The following INPP4B variants were observed in gnomAD, a reference collection of about 807,000 sequenced individuals.
INPP4B encodes the protein inositol polyphosphate 4-phosphatase type II.
Under a neutral mutation model 122.5 loss-of-function variants are expected in INPP4B, and 55 were observed. The ratio of observed to expected loss-of-function variants is 0.45; its 90% CI spans 0.36 to 0.56. The LOEUF (loss-of-function observed/expected upper bound fraction) is 0.56. Ranked by LOEUF, INPP4B falls within the 20% of genes least tolerant of loss-of-function variation. The probability of loss-of-function intolerance (pLI) is 0.00; values close to 1 mark genes in which losing one functional copy is unlikely to be tolerated. For synonymous variants in INPP4B, 403 were observed against 388.7 expected, an observed-to-expected ratio of 1.04 and a Z score of -0.43; for missense variants, 1,000 against 1,097.7, an observed-to-expected ratio of 0.91 and a Z score of 1.26.
At chr4:142,329,066 A>G (rs1773502615) in intron 7 of INPP4B, among the ~76,000 whole-genome samples, 1 of 152,236 alleles carries the variant, frequency 6.6e-6, no homozygotes. Flanking sequence ...TTTAAGTACA[A>G]GAGATATGGT....
intron 7 of INPP4B, among the ~76,000 whole-genome samples, chr4:142,373,237 GA>G (rs1370528167): frequency 6.6e-6 from 1 of 151,966 alleles, no homozygotes; most frequent in Non-Finnish European, 1.5e-5. Context: ...TCATAAAGCA[GA>G]AAGTGTTTGA....
At chr4:142,133,472 T>A (rs1280325794) in intron 18 of INPP4B, among the ~76,000 whole-genome samples, 1 of 152,318 alleles carries the variant, frequency 6.6e-6, no homozygotes, top group East Asian at 1.9e-4. Context: ...TGTATTCATG[T>A]TCTAACTGCC....
chr4:142,488,349 G>A (rs1821445199), intron 2 of INPP4B, among the ~76,000 whole-genome samples: 1 of 151,978 alleles, frequency 6.6e-6, no homozygotes, highest in African/African-American at 2.4e-5. Context: ...ATAATGGAAT[G>A]TACTTTCTTT....
At chr4:142,384,039 G>T in intron 7 of INPP4B, 1 of 701,136 alleles carries the variant, frequency 1.4e-6, no homozygotes, top group South Asian at 1.5e-5. Flanking sequence ...ACAGGTGACT[G>T]AGCAAGTTGT....
intron 24 of INPP4B, among the ~76,000 whole-genome samples, chr4:142,082,539 G>A (rs765011754): frequency 2.6e-5 from 4 of 152,148 alleles, no homozygotes; most frequent in Non-Finnish European, 5.9e-5. Context: ...CACCATCATT[G>A]TAAAGAGGAA....
At chr4:142,185,359 T>C (rs1021614605) in intron 15 of INPP4B, among the ~76,000 whole-genome samples, 5 of 144,434 alleles carry the variant, frequency 3.5e-5, no homozygotes, top group Non-Finnish European at 7.5e-5. Context: ...AGCTACCTGC[T>C]AGATATATAT....
At chr4:142,041,022 G>A (rs1052581680) in intron 25 of INPP4B, among the ~76,000 whole-genome samples, 5 of 152,120 alleles carry the variant, frequency 3.3e-5, no homozygotes, top group Admixed American at 6.5e-5. Flanking sequence ...TAGCTGAGAA[G>A]GCAGTCTGAC....
intron 1 of INPP4B, among the ~76,000 whole-genome samples, chr4:142,739,137 A>T: frequency 6.6e-6 from 1 of 152,054 alleles, no homozygotes; most frequent in East Asian, 1.9e-4. Context: ...AACTTCAAAA[A>T]CCGTAAATTA....
chr4:142,387,361 T>C (rs4435818), intron 7 of INPP4B, among the ~76,000 whole-genome samples: 31,168 of 151,650 alleles, frequency 0.21, 4,317 homozygotes, highest in African/African-American at 0.4. Flanking sequence ...ATCTCATTTC[T>C]TTCTGGCGTA....
At chr4:142,632,607 A>C (rs1013400995) in intron 2 of INPP4B, among the ~76,000 whole-genome samples, 1 of 152,154 alleles carries the variant, frequency 6.6e-6, no homozygotes, top group Non-Finnish European at 1.5e-5. Context: ...CATAAATATC[A>C]ATGCTATAAA....
chr4:142,429,109 A>G (rs1808737832), intron 5 of INPP4B, 64 bp downstream of exon 5: 3 of 863,458 alleles, frequency 3.5e-6, no homozygotes, highest in Non-Finnish European at 5.6e-6. Flanking sequence ...CAATCTACCT[A>G]TACTTTGCAA....
intron 23 of INPP4B, among the ~76,000 whole-genome samples, chr4:142,096,554 G>A (rs970835790): frequency 6.6e-6 from 1 of 152,022 alleles, no homozygotes; most frequent in Non-Finnish European, 1.5e-5. Context: ...ATGCATTGAG[G>A]AAATAAAAAT....
intron 1 of INPP4B, among the ~76,000 whole-genome samples, chr4:142,765,368 G>A (rs1187817307): frequency 6.6e-6 from 1 of 152,172 alleles, no homozygotes; most frequent in African/African-American, 2.4e-5. Context: ...GTGACCACCT[G>A]AGTATATCAT....
At chr4:142,586,515 C>T (rs1347556405) in intron 2 of INPP4B, among the ~76,000 whole-genome samples, 1 of 152,090 alleles carries the variant, frequency 6.6e-6, no homozygotes, top group Admixed American at 6.6e-5. Context: ...CTCCATTATT[C>T]CCAACAGCAT....
At chr4:142,697,058 G>A (rs1761129441) in intron 2 of INPP4B, among the ~76,000 whole-genome samples, 2 of 152,084 alleles carry the variant, frequency 1.3e-5, no homozygotes, top group South Asian at 2.1e-4. Context: ...TCCCAATGAT[G>A]CATTTTTAAA....
At chr4:142,555,125 A>G (rs1728860799) in intron 2 of INPP4B, among the ~76,000 whole-genome samples, 2 of 152,316 alleles carry the variant, frequency 1.3e-5, no homozygotes, top group African/African-American at 2.4e-5. Context: ...GAAGAATCCA[A>G]ATATCAGCCT....
intron 1 of INPP4B, among the ~76,000 whole-genome samples, chr4:142,780,082 A>C (rs1774571320): frequency 6.6e-6 from 1 of 152,210 alleles, no homozygotes; most frequent in Admixed American, 6.5e-5. Context: ...ATTCACAGCC[A>C]AGAAAGAATA....
chr4:142,683,727 A>G (rs1200964215), intron 2 of INPP4B, among the ~76,000 whole-genome samples: 1 of 151,890 alleles, frequency 6.6e-6, no homozygotes, highest in Non-Finnish European at 1.5e-5. Flanking sequence ...TCTCTAGGCT[A>G]GAAAGATCTG....
intron 9 of INPP4B, among the ~76,000 whole-genome samples, chr4:142,291,003 A>G (rs564620879): frequency 6.6e-6 from 1 of 152,280 alleles, no homozygotes; most frequent in Non-Finnish European, 1.5e-5. Context: ...CAGCCTTATG[A>G]GATACAGTCT....
Sources: gnomAD v4.1 joint callset for allele counts (sites outside exome capture counted in the v4.1 genomes callset) on GRCh38, gnomAD v4.1.1 for gene constraint, MANE v1.5 for transcripts, NCBI Gene and HGNC (gene_info 2026-07-23, HGNC 2026-07-21) for gene names.